Variants in AOX1 observed in about 807,000 individuals in gnomAD.
The protein encoded by AOX1 is aldehyde oxidase.
A neutral mutation model predicts 169.5 loss-of-function variants in AOX1; 153 were observed. The observed-to-expected ratio is 0.90, with a 90% CI of 0.79 to 1.03. The LOEUF (loss-of-function observed/expected upper bound fraction) is 1.03. Ranked by LOEUF, AOX1 falls within the 50% of genes least tolerant of loss-of-function variation. AOX1 has a pLI of 0.00. For synonymous variants in AOX1, 562 were observed against 581.9 expected (o/e 0.97, Z 0.49); for missense variants, 1,656 against 1,663.9 (o/e 1.00, Z 0.08).
chr2:200,646,188 A>T (rs1191860181), intron 25 of AOX1, among the ~76,000 whole-genome samples: 1 of 152,098 alleles, frequency 6.6e-6, no homozygotes. Context: ...TTTTTGATGT[A>T]GGCACTTAGG....
chr2:200,656,839 C>A lies in AOX1; in HGVS notation c.3076-3C>A. 1 of 1,550,124 alleles carries A rather than the reference C, an allele frequency of 6.5e-7. No homozygotes were observed. The highest frequency in any genetic ancestry group is 1.3e-5 in the South Asian group (1 of 78,858). On this transcript the variant is annotated splice_polypyrimidine_tract_variant and splice_region_variant and intron_variant, in intron 26 of 34. Coordinates refer to ENST00000374700, the MANE Select transcript of AOX1 (RefSeq NM_001159.4). ...AGAAACAGTTTTCGTCTTTTCTGCT[C>A]AGGCTGCTGCCTTGGTTCACATTTA... is the stretch of plus-strand genomic sequence containing the variant.
intron 23 of AOX1, among the ~76,000 whole-genome samples, chr2:200,638,933 G>A (rs1270429875): frequency 6.6e-6 from 1 of 152,032 alleles, no homozygotes; most frequent in African/African-American, 2.4e-5. Context: ...GGGGGGAAAG[G>A]GGAGGATTCT....
intron 19 of AOX1, among the ~76,000 whole-genome samples, chr2:200,624,980 A>G (rs2034970934): frequency 6.6e-6 from 1 of 152,212 alleles, no homozygotes; most frequent in Admixed American, 6.5e-5. Context: ...GGGCACGATC[A>G]GTGTCTCCAG....
At position 200,659,205 on chromosome 2, in the gene AOX1, A is replaced by G; in HGVS notation, c.3212A>G (p.His1071Arg). The change falls in exon 28 of 35, where the codon CAC (histidine) becomes CGC (arginine). Residue 1071 changes from histidine to arginine, a missense_variant. By Grantham distance (29) the His-to-Arg change is conservative. Transcript: ENST00000374700. ...RELRMPMSNVHLRGTSTETVP... is the reference protein window; with the variant it reads ...RELRMPMSNVRLRGTSTETVP... ...TTAAGAATGCCAATGTCGAATGTCC[A>G]CCTGCGTGGAACAAGCACAGAAACT... 1 of 1,613,982 alleles carries G rather than the reference A, an allele frequency of 6.2e-7. No homozygotes were observed. Among genetic ancestry groups the G allele is most frequent in the East Asian group, 2.2e-5 (1 of 44,884 alleles).
At chr2:200,610,167 G>A (rs1191356247) in intron 12 of AOX1, among the ~76,000 whole-genome samples, 1 of 152,024 alleles carries the variant, frequency 6.6e-6, no homozygotes, top group Non-Finnish European at 1.5e-5. Context: ...TACCTCCTGG[G>A]TTCAAGCGAT....
intron 25 of AOX1, among the ~76,000 whole-genome samples, chr2:200,644,827 C>G (rs777149208): frequency 6.6e-6 from 1 of 151,974 alleles, no homozygotes; most frequent in Non-Finnish European, 1.5e-5. Context: ...GGGTTGAGTT[C>G]TTGATTTGAT....
intron 4 of AOX1, among the ~76,000 whole-genome samples, chr2:200,597,777 T>C (rs1169723361): frequency 6.6e-6 from 1 of 152,216 alleles, no homozygotes; most frequent in Non-Finnish European, 1.5e-5. Context: ...TGTGTTCTAA[T>C]TCGATGGGAC....
intron 1 of AOX1, among the ~76,000 whole-genome samples, chr2:200,586,400 C>T (rs2034031762): frequency 6.6e-6 from 1 of 152,252 alleles, no homozygotes; most frequent in Non-Finnish European, 1.5e-5. Context: ...CCCCTTTCCT[C>T]TCCTTCCAAG....
At chr2:200,632,046 T>A (rs2960198) in intron 20 of AOX1, among the ~76,000 whole-genome samples, 62,396 of 151,872 alleles carry the variant, frequency 0.41, 13,214 homozygotes, top group East Asian at 0.73. Flanking sequence ...TTATGCAAAT[T>A]GAGGGAATCC....
downstream of AOX1, among the ~76,000 whole-genome samples, chr2:200,673,756 G>A (rs142236432): frequency 6.6e-6 from 1 of 152,284 alleles, no homozygotes; most frequent in African/African-American, 2.4e-5. Flanking sequence ...CCCTAAGATG[G>A]CATCTGCAGC....
downstream of AOX1, among the ~76,000 whole-genome samples, chr2:200,676,407 C>T (rs912133439): frequency 6.6e-6 from 1 of 152,022 alleles, no homozygotes; most frequent in Non-Finnish European, 1.5e-5. Flanking sequence ...TGAGACCATC[C>T]TGGCTAACAT....
In AOX1 at chr2:200,660,025, G is replaced by C; in HGVS notation, c.3331G>C (p.Glu1111Gln). The C allele has an allele frequency of 6.2e-7, 1 of 1,613,750 alleles. No homozygotes were observed. The highest frequency in any genetic ancestry group is 8.5e-7 in the Non-Finnish European group (1 of 1,179,862). The change falls in exon 29 of 35, where the codon GAA becomes CAA. Residue 1111 changes from glutamate (E) to glutamine (Q), a missense_variant. Transcript: ENST00000374700. ...CTGTCAAACTCTTCTAAAACGCCTC[G>C]AACCCATCATCAGCAAGAATCCTAA... The part of the protein sequence containing the change: ...DACQTLLKRL[E>Q]PIISKNPKGT...
chr2:200,616,258 G>A (rs934801233), intron 16 of AOX1, among the ~76,000 whole-genome samples, 195 bp downstream of exon 16: 9 of 152,202 alleles, frequency 5.9e-5, no homozygotes, highest in African/African-American at 2.2e-4. Flanking sequence ...TCTAGCAGTG[G>A]TAATATTAAA....
intron 26 of AOX1, 31 bp from the exon 27 acceptor site, chr2:200,656,811 C>G: frequency 7.0e-7 from 1 of 1,422,756 alleles, no homozygotes; most frequent in Non-Finnish European, 9.5e-7. Flanking sequence ...TCAAAAAGAT[C>G]ACAGAAACAG....
chr2:200,681,738 A>T (rs1051082023), downstream of AOX1, among the ~76,000 whole-genome samples: 2 of 152,238 alleles, frequency 1.3e-5, no homozygotes, highest in African/African-American at 4.8e-5. Context: ...TCTTGGCACC[A>T]TATCAGTTGT....
intron 26 of AOX1, 131 bp from the exon 27 acceptor site, chr2:200,656,711 T>G: frequency 2.0e-6 from 1 of 508,324 alleles, no homozygotes. Flanking sequence ...AAAAGAAACC[T>G]AAAATGTTGC....
chr2:200,613,198 G>T (rs1373340492), intron 14 of AOX1, among the ~76,000 whole-genome samples: 18 of 152,150 alleles, frequency 1.2e-4, no homozygotes. Flanking sequence ...ATCTAAAGAT[G>T]ACACTAATAG....
Position 200,603,015 on chromosome 2 carries a change from G to A in AOX1, c.499-252G>A, listed in dbSNP as rs896225762. ...TCATTATTAATATTTACTATTTAAT[G>A]CTATGTGCCACGCTTAGTTATAAGA... On this transcript the variant is annotated intron_variant, in intron 6 of 34. Coordinates refer to ENST00000374700, the MANE Select transcript of AOX1 (RefSeq NM_001159.4). Among the ~76,000 whole-genome samples the A allele has an allele frequency of 2.0e-5, 3 of 152,012 alleles. No individual in the cohort carries two copies. In the South Asian group the frequency reaches 6.2e-4, roughly 32 times the overall value.
intron 18 of AOX1, among the ~76,000 whole-genome samples, chr2:200,622,832 T>C (rs2034914315): frequency 6.6e-6 from 1 of 152,204 alleles, no homozygotes. Flanking sequence ...TAATGGCTTT[T>C]AAAAGTCTTT....
Sources: gnomAD v4.1 joint callset for allele counts (sites outside exome capture counted in the v4.1 genomes callset) on GRCh38, gnomAD v4.1.1 for gene constraint, MANE v1.5 for transcripts, NCBI Gene and HGNC (gene_info 2026-07-23, HGNC 2026-07-21) for gene names.